Variants in CHODL observed in about 807,000 individuals in gnomAD.
The protein encoded by CHODL is transmembrane protein MT75.
Under a neutral mutation model 34.5 loss-of-function variants are expected in CHODL, and 29 were observed. The ratio of observed to expected loss-of-function variants is 0.84; its 90% confidence interval spans 0.63 to 1.15. CHODL has a LOEUF of 1.15. CHODL is among the 50% of genes most tolerant of loss of function. CHODL has a pLI of 0.00. For synonymous variants in CHODL, 125 were observed against 116.1 expected (o/e 1.08, Z -0.49); for missense variants, 332 against 332.5 (o/e 1.00, Z 0.01).
Position 18,193,711 on chromosome 21 carries a change from TA to T in CHODL, c.-44-62794del, listed in dbSNP as rs1279526491. On this transcript the variant is annotated intron_variant, in intron 2 of 6. Transcript: ENST00000400127. ...ACTCTGTCTCAGAAAAAAAAAAAAA[TA>T]AAATAAATAAATAAATAAATAAATA... Among the ~76,000 whole-genome samples the T allele has an allele frequency of 2.1e-3, 253 of 119,726 alleles. 2 individuals are homozygous for T. Among genetic ancestry groups the T allele is most frequent in the African/African-American group, 8.2e-3 (229 of 27,782 alleles). The allele number at this position is 119,726 out of a possible 152,430, so 78.5% of individuals were successfully genotyped here.
chr21:18,255,199 A>AT (rs1425450813), intron 1 of CHODL, among the ~76,000 whole-genome samples: 1 of 152,040 alleles, frequency 6.6e-6, no homozygotes, highest in Non-Finnish European at 1.5e-5. Flanking sequence ...GTATTTATAG[A>AT]TTTTAGATAT....
intron 2 of CHODL, among the ~76,000 whole-genome samples, chr21:18,084,292 A>AT (rs71318123): frequency 0.36 from 55,189 of 151,672 alleles, 12,247 homozygotes; most frequent in Non-Finnish European, 0.51. Context: ...GTTATTTGTT[A>AT]TTTTTTTCCC....
At chr21:17,972,180 A>G (rs890254834) in intron 1 of CHODL, among the ~76,000 whole-genome samples, 1 of 152,186 alleles carries the variant, frequency 6.6e-6, no homozygotes, top group Non-Finnish European at 1.5e-5. Context: ...TGACAAACCC[A>G]TATCATAATG....
chr21:18,061,056 C>G (rs157057), intron 2 of CHODL, among the ~76,000 whole-genome samples: 1 of 152,086 alleles, frequency 6.6e-6, no homozygotes, highest in South Asian at 2.1e-4. Context: ...CAAAATGAGA[C>G]GCAAATAACA....
chr21:18,146,583 G>A (rs924297297), intron 2 of CHODL, among the ~76,000 whole-genome samples: 10 of 151,970 alleles, frequency 6.6e-5, no homozygotes, highest in African/African-American at 1.9e-4. Context: ...CATCATAATT[G>A]TAAGTTTCCT....
chr21:17,998,298 G>A (rs1276162783), intron 1 of CHODL, among the ~76,000 whole-genome samples: 1 of 152,202 alleles, frequency 6.6e-6, no homozygotes, highest in Admixed American at 6.5e-5. Flanking sequence ...CACCCCTGTG[G>A]CTTTTCAGGG....
At chr21:18,044,227 C>T (rs1172060039) in intron 2 of CHODL, among the ~76,000 whole-genome samples, 1 of 151,908 alleles carries the variant, frequency 6.6e-6, no homozygotes, top group Non-Finnish European at 1.5e-5. Context: ...AATATATATG[C>T]ATGTATGAGC....
At chr21:17,947,231 A>G (rs1181342708) in intron 1 of CHODL, among the ~76,000 whole-genome samples, 2 of 152,116 alleles carry the variant, frequency 1.3e-5, no homozygotes, top group Non-Finnish European at 2.9e-5. Context: ...CAAATACCTT[A>G]TAATTAAAGA....
intron 2 of CHODL, chr21:18,100,121 C>G (rs1232988983): frequency 6.6e-6 from 1 of 152,030 alleles, no homozygotes; most frequent in Non-Finnish European, 1.5e-5. Flanking sequence ...GAGAAGAAAA[C>G]AATAACACCC....
intron 1 of CHODL, among the ~76,000 whole-genome samples, chr21:17,957,721 AAATAT>A (rs1455898542): frequency 1.3e-5 from 2 of 151,350 alleles, no homozygotes; most frequent in Non-Finnish European, 2.9e-5. Context: ...AAAAATAATA[AAATAT>A]AAAATAAAAT....
At chr21:17,960,324 T>C (rs1036765937) in intron 1 of CHODL, among the ~76,000 whole-genome samples, 1 of 152,240 alleles carries the variant, frequency 6.6e-6, no homozygotes, top group Non-Finnish European at 1.5e-5. Flanking sequence ...TCTCAGCTAG[T>C]ATGATTTATT....
intron 2 of CHODL, among the ~76,000 whole-genome samples, chr21:18,084,299 T>TC (rs398121474): frequency 1.3e-5 from 2 of 152,082 alleles, no homozygotes; most frequent in Admixed American, 6.6e-5. Flanking sequence ...GTTATTTTTT[T>TC]CCCTTCAAAC....
chr21:18,137,761 C>T (rs1477525964), intron 2 of CHODL, among the ~76,000 whole-genome samples: 1 of 152,084 alleles, frequency 6.6e-6, no homozygotes, highest in Non-Finnish European at 1.5e-5. Flanking sequence ...TGTATATATG[C>T]TTTCTTTTAT....
intron 2 of CHODL, among the ~76,000 whole-genome samples, chr21:18,071,056 A>C (rs2146499110): frequency 6.7e-6 from 1 of 149,456 alleles, no homozygotes; most frequent in African/African-American, 2.5e-5. Flanking sequence ...GAATATATAT[A>C]TTTTTTCAAT....
chr21:17,925,293 T>G (rs181953582), intron 1 of CHODL, among the ~76,000 whole-genome samples: 3 of 152,334 alleles, frequency 2.0e-5, no homozygotes, highest in Non-Finnish European at 4.4e-5. Flanking sequence ...TTCACAGGTT[T>G]AAAATTTTAG....
chr21:18,075,009 A>G (rs1208172244), intron 2 of CHODL, among the ~76,000 whole-genome samples: 2 of 152,200 alleles, frequency 1.3e-5, no homozygotes, highest in African/African-American at 2.4e-5. Flanking sequence ...TCAAACTTAA[A>G]TGTAATCACA....
intron 1 of CHODL, among the ~76,000 whole-genome samples, chr21:17,954,019 T>A (rs987548103): frequency 3.3e-4 from 48 of 144,636 alleles, no homozygotes; most frequent in African/African-American, 8.4e-4. Flanking sequence ...AAAAAAAATT[T>A]TTTTAAATAA....
intron 2 of CHODL, among the ~76,000 whole-genome samples, chr21:18,142,092 T>A (rs1391654601): frequency 1.3e-5 from 2 of 152,162 alleles, no homozygotes; most frequent in Non-Finnish European, 2.9e-5. Flanking sequence ...ATCAAACCTA[T>A]TGAAAATCGA....
At chr21:17,986,952 C>T (rs1046584178) in intron 1 of CHODL, among the ~76,000 whole-genome samples, 2 of 152,062 alleles carry the variant, frequency 1.3e-5, no homozygotes, top group African/African-American at 4.8e-5. Flanking sequence ...GGTAGATGGC[C>T]ATGGGTGGCG....
Sources: allele counts gnomAD v4.1 joint callset (sites outside exome capture counted in the v4.1 genomes callset), GRCh38; gene constraint gnomAD v4.1.1; transcripts MANE v1.5; gene names NCBI Gene and HGNC (gene_info 2026-07-23, HGNC 2026-07-21).